The following LRRC69 variants were observed in gnomAD, a reference collection of about 807,000 sequenced individuals.
The protein encoded by LRRC69 is leucine rich repeat containing 69, also known as leucine-rich repeat-containing protein 69.
A neutral mutation model predicts 37.8 loss-of-function variants in LRRC69; 42 were observed. The ratio of observed to expected loss-of-function variants is 1.11; its 90% CI spans 0.87 to 1.44. The LOEUF (loss-of-function observed/expected upper bound fraction) is 1.44. Ranked by LOEUF, LRRC69 falls within the 40% of genes most tolerant of loss-of-function variation. LRRC69 has a pLI of 0.00. For missense variants in LRRC69, 357 were observed against 401.9 expected (o/e 0.89, Z 0.96); for synonymous variants, 141 against 143.1 (o/e 0.99, Z 0.11).
chr8:91,154,454 A>T (rs1808797399), intron 5 of LRRC69, among the ~76,000 whole-genome samples: 1 of 151,944 alleles, frequency 6.6e-6, no homozygotes, highest in Non-Finnish European at 1.5e-5. Flanking sequence ...ATCTCTGATG[A>T]GTATTGATGC....
intron 5 of LRRC69, among the ~76,000 whole-genome samples, chr8:91,146,134 T>G (rs1428458258): frequency 6.6e-6 from 1 of 151,812 alleles, no homozygotes; most frequent in Non-Finnish European, 1.5e-5. Context: ...GGACCCTGTT[T>G]CACATGGTAT....
At chr8:91,188,835 GTT>G (rs575348391) in intron 5 of LRRC69, among the ~76,000 whole-genome samples, 1 of 139,210 alleles carries the variant, frequency 7.2e-6, no homozygotes. Context: ...TCCGTCTTCT[GTT>G]TTTTTTTTTT....
chr8:91,158,821 T>G, intron 5 of LRRC69: 1 of 705,036 alleles, frequency 1.4e-6, no homozygotes, highest in East Asian at 2.6e-5. Context: ...TATGTGAAAG[T>G]GTAAAATAGA....
intron 5 of LRRC69, among the ~76,000 whole-genome samples, chr8:91,187,263 T>C (rs1322794233): frequency 6.6e-6 from 1 of 152,196 alleles, no homozygotes; most frequent in African/African-American, 2.4e-5. Context: ...TCTTTTCACT[T>C]AATGACTCAA....
intron 6 of LRRC69, among the ~76,000 whole-genome samples, chr8:91,198,693 T>G (rs1050492519): frequency 2.6e-5 from 4 of 152,178 alleles, no homozygotes; most frequent in Admixed American, 2.6e-4. Flanking sequence ...TTGAGTATTT[T>G]GAAATATTTT....
intron 6 of LRRC69, among the ~76,000 whole-genome samples, chr8:91,196,918 C>T (rs922848227): frequency 1.3e-5 from 2 of 152,118 alleles, no homozygotes; most frequent in African/African-American, 2.4e-5. Flanking sequence ...GAGAGGCGCT[C>T]TGCGTTTTAG....
intron 6 of LRRC69, among the ~76,000 whole-genome samples, chr8:91,192,176 C>T (rs1169796649): frequency 6.6e-6 from 1 of 152,116 alleles, no homozygotes; most frequent in Non-Finnish European, 1.5e-5. Flanking sequence ...GACATGAACT[C>T]ATCCTTTTTT....
At chr8:91,205,415 T>C (rs1809787492) in intron 7 of LRRC69, 1 of 152,240 alleles carries the variant, frequency 6.6e-6, no homozygotes, top group South Asian at 2.1e-4. Context: ...TCATCAGAGT[T>C]CACATCACCT....
intron 5 of LRRC69, among the ~76,000 whole-genome samples, chr8:91,166,974 C>A (rs757883296): frequency 1.3e-5 from 2 of 148,952 alleles, no homozygotes; most frequent in Non-Finnish European, 2.9e-5. Context: ...GCCCACTTTG[C>A]TGGATAGTCA....
intron 6 of LRRC69, among the ~76,000 whole-genome samples, chr8:91,197,098 G>A (rs1181440243): frequency 1.3e-5 from 2 of 151,808 alleles, no homozygotes; most frequent in African/African-American, 4.8e-5. Flanking sequence ...GGAGTACCCT[G>A]CGGTGTGAGG....
chr8:91,137,253 G>A (rs903398256), intron 5 of LRRC69, among the ~76,000 whole-genome samples: 2 of 152,006 alleles, frequency 1.3e-5, no homozygotes, highest in African/African-American at 2.4e-5. Context: ...TATGTCCTGC[G>A]ATGCCTTCTG....
intron 6 of LRRC69, among the ~76,000 whole-genome samples, chr8:91,192,978 T>C (rs1294298029): frequency 6.6e-6 from 1 of 152,216 alleles, no homozygotes; most frequent in Admixed American, 6.5e-5. Flanking sequence ...TTTACGGTTT[T>C]AGATCTAACG....
At chr8:91,193,315 T>C (rs1490249962) in intron 6 of LRRC69, among the ~76,000 whole-genome samples, 1 of 143,568 alleles carries the variant, frequency 7.0e-6, no homozygotes, top group African/African-American at 2.6e-5. Flanking sequence ...GGCTTAGGAT[T>C]GACTTGGCCA....
intron 3 of LRRC69, 23 bp from the exon 4 acceptor site, chr8:91,133,087 C>G: frequency 7.7e-7 from 1 of 1,293,914 alleles, no homozygotes. Flanking sequence ...CATTCATATA[C>G]TTTGGTGTTT....
intron 5 of LRRC69, among the ~76,000 whole-genome samples, chr8:91,151,735 G>T (rs1361207398): frequency 1.3e-5 from 2 of 151,610 alleles, no homozygotes; most frequent in East Asian, 3.9e-4. Flanking sequence ...CTTCCACAGT[G>T]GTTGAACTAA....
In LRRC69 at chr8:91,218,646, A is replaced by G. The variant is rs80017193; in HGVS notation, c.934-244A>G. 7.3e-3 allele frequency among the ~76,000 whole-genome samples: 1,115 copies of G among 152,232 alleles called. 14 individuals are homozygous for G. Among genetic ancestry groups the G allele is most frequent in the African/African-American group, 0.026 (1,086 of 41,542 alleles). Reference sequence around the variant, plus strand: ...CACTTTATGGTTAGACTACATAATGATATGTTTGAATAAAAGCACACATAA... The same window carrying G: ...CACTTTATGGTTAGACTACATAATGGTATGTTTGAATAAAAGCACACATAA... On this transcript the variant is annotated intron_variant, in intron 7 of 7. Coordinates refer to ENST00000448384, the Ensembl canonical transcript of LRRC69.
chr8:91,106,188 C>G (rs1302670699), intron 1 of LRRC69, among the ~76,000 whole-genome samples: 1 of 151,972 alleles, frequency 6.6e-6, no homozygotes, highest in Admixed American at 6.6e-5. Flanking sequence ...TTAATTTGAA[C>G]TCTTTCTTAT....
At chr8:91,190,557 A>G (rs1809476420) in intron 6 of LRRC69, among the ~76,000 whole-genome samples, 1 of 152,132 alleles carries the variant, frequency 6.6e-6, no homozygotes, top group Non-Finnish European at 1.5e-5. Flanking sequence ...CAAACTCTAT[A>G]CACTATATAG....
chr8:91,150,763 G>T (rs912463577), intron 5 of LRRC69, among the ~76,000 whole-genome samples: 14 of 151,768 alleles, frequency 9.2e-5, no homozygotes, highest in Non-Finnish European at 1.2e-4. Context: ...CAATTTCAGA[G>T]CCTGTTATTG....
Sources: allele counts gnomAD v4.1 joint callset (sites outside exome capture counted in the v4.1 genomes callset), GRCh38; gene constraint gnomAD v4.1.1; transcripts MANE v1.5; gene names NCBI Gene and HGNC (gene_info 2026-07-23, HGNC 2026-07-21).